CNTN5: variants seen among roughly 807,000 people sequenced by gnomAD.
The protein encoded by CNTN5 is contactin 5.
A neutral mutation model predicts 129.1 loss-of-function variants in CNTN5; 77 were observed. The observed-to-expected ratio is 0.60, with a 90% confidence interval of 0.50 to 0.72. The LOEUF is 0.72. Among genes scored for constraint, CNTN5 ranks in the 30% least tolerant of loss-of-function variants. The pLI is 0.00. For missense variants in CNTN5, 1,478 were observed against 1,328.8 expected (o/e 1.11, Z -1.75); for synonymous variants, 509 against 465.6 (o/e 1.09, Z -1.20).
At chr11:99,129,097 T>C (rs1023226938) in intron 1 of CNTN5, among the ~76,000 whole-genome samples, 3 of 152,034 alleles carry the variant, frequency 2.0e-5, no homozygotes, top group African/African-American at 7.2e-5. Context: ...GGGGATGAAG[T>C]TGAGATGGGT....
intron 13 of CNTN5, among the ~76,000 whole-genome samples, chr11:100,164,341 A>G (rs895290651): frequency 2.6e-5 from 4 of 151,832 alleles, no homozygotes; most frequent in Non-Finnish European, 5.9e-5. Context: ...TTAGCCTTTC[A>G]ATTATTATTT....
At chr11:100,242,734 A>T (rs1284847997) in intron 16 of CNTN5, among the ~76,000 whole-genome samples, 1 of 152,188 alleles carries the variant, frequency 6.6e-6, no homozygotes, top group Admixed American at 6.5e-5. Flanking sequence ...AACAATAGGG[A>T]TTACAATTTG....
intron 1 of CNTN5, among the ~76,000 whole-genome samples, chr11:99,256,804 C>G (rs181726981): frequency 6.6e-6 from 1 of 151,910 alleles, no homozygotes; most frequent in African/African-American, 2.4e-5. Flanking sequence ...AAAATTATTA[C>G]GCAATACCTT....
At chr11:99,758,859 A>G (rs1194949845) in intron 3 of CNTN5, among the ~76,000 whole-genome samples, 1 of 152,054 alleles carries the variant, frequency 6.6e-6, no homozygotes, top group East Asian at 1.9e-4. Context: ...AAAAGGCAGT[A>G]TTGAGAAAAA....
At chr11:99,308,274 G>T (rs1286842672) in intron 1 of CNTN5, among the ~76,000 whole-genome samples, 7 of 152,232 alleles carry the variant, frequency 4.6e-5, no homozygotes, top group Middle Eastern at 3.4e-3. Context: ...AAGAGCTGTT[G>T]AAAGATCACA....
At chr11:99,806,899 T>C (rs1946289899) in intron 3 of CNTN5, among the ~76,000 whole-genome samples, 1 of 149,216 alleles carries the variant, frequency 6.7e-6, no homozygotes, top group South Asian at 2.1e-4. Context: ...TCTTGCAAGA[T>C]AACAATGTAA....
At chr11:99,837,706 C>G (rs1947351817) in intron 4 of CNTN5, among the ~76,000 whole-genome samples, 1 of 146,408 alleles carries the variant, frequency 6.8e-6, no homozygotes, top group South Asian at 2.2e-4. Flanking sequence ...AAAAAAAAAC[C>G]TATCAAATAT....
At chr11:99,693,832 C>G (rs570778750) in intron 3 of CNTN5, among the ~76,000 whole-genome samples, 15 of 152,088 alleles carry the variant, frequency 9.9e-5, no homozygotes, top group African/African-American at 3.4e-4. Context: ...TTCATTGAAT[C>G]AGGTTCCAAA....
Position 99,070,295 on chromosome 11 carries a change from G to A in CNTN5, c.-210+49025G>A, listed in dbSNP as rs898232778. 3.3e-5 allele frequency among the ~76,000 whole-genome samples: 5 copies of A among 152,084 alleles called. No homozygotes were observed. The South Asian group carries it at 1.0e-3, about 32-fold the overall frequency. On this transcript the variant is annotated intron_variant, in intron 1 of 24. Transcript: ENST00000524871. The stretch of plus-strand genomic sequence containing the variant: ...CTTTCTTCCCTCAAGGAGATTTTGC[G>A]TGCAAAGGGAGTTTTGGTTTCATTT...
In CNTN5 at chr11:99,349,325, G is replaced by A. The variant is rs77320489; in HGVS notation, c.-71+23841G>A. Among the ~76,000 whole-genome samples the A allele has an allele frequency of 3.8e-3, 576 of 152,158 alleles. 13 individuals carry two copies. In the East Asian group the frequency reaches 0.064, roughly 17 times the overall value. On this transcript the variant is annotated intron_variant, in intron 2 of 24. Coordinates refer to ENST00000524871, the MANE Select transcript of CNTN5 (RefSeq NM_014361.4). ...CATGCTATAAATTTTTTTCCTGGCC[G>A]TCTGCCAGAAAATATCTGGCAGAGA...
chr11:99,606,689 T>A lies in CNTN5; in HGVS notation c.55+50420T>A, dbSNP rs1023670621. Among the ~76,000 whole-genome samples the A allele has an allele frequency of 1.8e-4, 25 of 139,070 alleles. 1 individual carries two copies. The highest frequency in any genetic ancestry group is 6.1e-4 in the African/African-American group (23 of 37,474). 91.2% of individuals were successfully genotyped at this position (139,070 alleles called of 152,430 possible). On this transcript the variant is annotated intron_variant, in intron 3 of 24. Coordinates refer to ENST00000524871, the MANE Select transcript of CNTN5 (RefSeq NM_014361.4). Reference sequence around the variant, plus strand: ...AGCTGGAGACATCACACTACCTGACTTCAAACTATACTACAAGGCTACAGT... The same window carrying A: ...AGCTGGAGACATCACACTACCTGACATCAAACTATACTACAAGGCTACAGT...
At chr11:99,782,515 G>C (rs940526642) in intron 3 of CNTN5, among the ~76,000 whole-genome samples, 1 of 151,324 alleles carries the variant, frequency 6.6e-6, no homozygotes, top group Non-Finnish European at 1.5e-5. Flanking sequence ...AGCCCGCATT[G>C]CCAAGTCAAT....
intron 3 of CNTN5, among the ~76,000 whole-genome samples, chr11:99,615,733 C>G (rs753044192): frequency 8.6e-5 from 13 of 151,524 alleles, no homozygotes; most frequent in African/African-American, 3.1e-4. Flanking sequence ...AATCCACACA[C>G]TTTATTTGGA....
intron 2 of CNTN5, among the ~76,000 whole-genome samples, chr11:99,380,401 T>G (rs1940468634): frequency 6.6e-6 from 1 of 152,196 alleles, no homozygotes; most frequent in East Asian, 1.9e-4. Context: ...AAAACCTTTT[T>G]GTAAATGAGC....
chr11:99,887,879 A>G (rs1371870422), intron 6 of CNTN5, among the ~76,000 whole-genome samples: 1 of 152,196 alleles, frequency 6.6e-6, no homozygotes, highest in African/African-American at 2.4e-5. Flanking sequence ...ACCTAGATTG[A>G]GGGTGGGTCT....
chr11:99,588,867 C>T (rs555313066), intron 3 of CNTN5, among the ~76,000 whole-genome samples: 2 of 152,056 alleles, frequency 1.3e-5, no homozygotes, highest in Non-Finnish European at 2.9e-5. Context: ...GTTTTTGTAA[C>T]GTGATTAGAG....
chr11:99,642,764 C>G (rs955007224), intron 3 of CNTN5, among the ~76,000 whole-genome samples: 7 of 152,166 alleles, frequency 4.6e-5, no homozygotes, highest in South Asian at 2.1e-4. Context: ...CCCCTCTACC[C>G]TCTCAGCCTC....
At chr11:99,877,304 A>G (rs1948658785) in intron 6 of CNTN5, among the ~76,000 whole-genome samples, 1 of 152,150 alleles carries the variant, frequency 6.6e-6, no homozygotes, top group Non-Finnish European at 1.5e-5. Flanking sequence ...CTTTAATTGA[A>G]CTACTCAGCC....
At chr11:100,143,593 A>T (rs1281586812) in intron 13 of CNTN5, among the ~76,000 whole-genome samples, 1 of 152,142 alleles carries the variant, frequency 6.6e-6, no homozygotes, top group Non-Finnish European at 1.5e-5. Flanking sequence ...GGAAAAAAGG[A>T]AGGAGATTCC....
Sources: gnomAD v4.1 joint callset for allele counts (sites outside exome capture counted in the v4.1 genomes callset) on GRCh38, gnomAD v4.1.1 for gene constraint, MANE v1.5 for transcripts, NCBI Gene and HGNC (gene_info 2026-07-23, HGNC 2026-07-21) for gene names.